Variants in BCKDHB observed in about 807,000 individuals in gnomAD.
The protein encoded by BCKDHB is branched chain keto acid dehydrogenase E1 subunit beta, also known as 2-oxoisovalerate dehydrogenase subunit beta, mitochondrial.
In BCKDHB, 41 loss-of-function variants were observed where a neutral mutation model predicts 48.5. The ratio of observed to expected loss-of-function variants is 0.85; its 90% CI spans 0.66 to 1.10. BCKDHB has a LOEUF of 1.10. Among genes scored for constraint, BCKDHB ranks in the 50% least tolerant of loss-of-function variants. The pLI, the probability that BCKDHB is intolerant of heterozygous loss-of-function variation, is 0.00. For missense variants in BCKDHB, 496 were observed against 494.2 expected (o/e 1.00, Z -0.03); for synonymous variants, 201 against 174.8 (o/e 1.15, Z -1.18).
chr6:80,441,072 A>G, the BCKDHB span: 1 of 148,394 alleles, frequency 6.7e-6, no homozygotes, highest in African/African-American at 2.4e-5. Context: ...CTCTGAAACT[A>G]AAGGTCATTC....
intron 9 of BCKDHB, among the ~76,000 whole-genome samples, chr6:80,337,010 A>G (rs1769625632): frequency 6.6e-6 from 1 of 152,138 alleles, no homozygotes; most frequent in Non-Finnish European, 1.5e-5. Flanking sequence ...CTTAAATGAA[A>G]AATAATATTT....
At chr6:80,199,437 G>A (rs1774278975) in intron 6 of BCKDHB, among the ~76,000 whole-genome samples, 1 of 152,022 alleles carries the variant, frequency 6.6e-6, no homozygotes, top group African/African-American at 2.4e-5. Flanking sequence ...GAACAAAAGG[G>A]AACAACAGTT....
At chr6:80,139,660 T>A (rs1771083424) in intron 3 of BCKDHB, among the ~76,000 whole-genome samples, 1 of 152,116 alleles carries the variant, frequency 6.6e-6, no homozygotes, top group African/African-American at 2.4e-5. Context: ...TCCATTGATC[T>A]ATGTCTCTGT....
intron 3 of BCKDHB, among the ~76,000 whole-genome samples, chr6:80,165,201 A>G (rs1455635852): frequency 6.6e-6 from 1 of 152,188 alleles, no homozygotes; most frequent in Admixed American, 6.5e-5. Flanking sequence ...TGTGAATTCC[A>G]TGGGAGACAG....
rs1774369632 is a variant in BCKDHB, at chr6:80,201,021, G to A, written c.830G>A (p.Trp277Ter). The A allele has an allele frequency of 6.2e-7, 1 of 1,607,910 alleles. No homozygotes were observed. Among genetic ancestry groups the A allele is most frequent in the Non-Finnish European group, 8.5e-7 (1 of 1,174,662 alleles). ...QEGSDVTLVA[W>*]GTQVHVIREV... Reference sequence around the variant, plus strand: ...GGGAGTGATGTTACTCTAGTTGCCTGGGGCACTCAGGTGAGTAGCATTGAT... The same window carrying A: ...GGGAGTGATGTTACTCTAGTTGCCTAGGGCACTCAGGTGAGTAGCATTGAT... Residue 277 changes from tryptophan to a stop codon, truncating the protein, a stop_gained, in exon 7 of 10, where the codon TGG (tryptophan) becomes TAG (stop). Transcript: ENST00000320393. LOFTEE classifies it high-confidence loss of function.
At chr6:80,153,304 G>A (rs540092224) in intron 3 of BCKDHB, among the ~76,000 whole-genome samples, 1 of 152,178 alleles carries the variant, frequency 6.6e-6, no homozygotes, top group South Asian at 2.1e-4. Context: ...GTTTTGAATT[G>A]CCTGTCACAG....
the BCKDHB span, among the ~76,000 whole-genome samples, chr6:80,358,509 A>C: frequency 6.6e-6 from 1 of 152,222 alleles, no homozygotes; most frequent in Non-Finnish European, 1.5e-5. Flanking sequence ...TCTGGATTGT[A>C]GTGTATTCAC....
At chr6:80,231,211 A>G (rs552974490) in intron 8 of BCKDHB, among the ~76,000 whole-genome samples, 2 of 152,344 alleles carry the variant, frequency 1.3e-5, no homozygotes, top group South Asian at 2.1e-4. Flanking sequence ...TTAATGTATG[A>G]TGCTTTAAAT....
At chr6:80,343,204 T>C (rs555278967) in intron 9 of BCKDHB, among the ~76,000 whole-genome samples, 2 of 152,348 alleles carry the variant, frequency 1.3e-5, no homozygotes, top group South Asian at 2.1e-4. Context: ...AAGTAACTGA[T>C]AGAAGTTCAG....
At chr6:80,170,919 A>G (rs1006999350) in intron 5 of BCKDHB, among the ~76,000 whole-genome samples, 1 of 152,166 alleles carries the variant, frequency 6.6e-6, no homozygotes, top group African/African-American at 2.4e-5. Flanking sequence ...ACAGATTATT[A>G]GTAGAAGAGA....
rs909333547 is a variant in BCKDHB, at chr6:80,343,859, G to A, written c.*55G>A. The A allele has an allele frequency of 1.1e-5, 18 of 1,593,280 alleles. No individual in the cohort carries two copies. The highest frequency in any genetic ancestry group is 4.5e-5 in the East Asian group (2 of 44,714). On this transcript the variant is annotated 3_prime_UTR_variant, in exon 10 of 10. Transcript: ENST00000320393. ...GCTACTATGTGCCCCTGACATTAAC[G>A]TACTGTTAACCAAGACACAGCAATC...
intron 1 of BCKDHB, among the ~76,000 whole-genome samples, chr6:80,112,901 T>C (rs997015389): frequency 1.3e-5 from 2 of 152,250 alleles, no homozygotes; most frequent in African/African-American, 4.8e-5. Flanking sequence ...AAGCCTCAAC[T>C]TCTAGCATAC....
chr6:80,338,477 G>A (rs1000325140), intron 9 of BCKDHB, among the ~76,000 whole-genome samples: 1 of 152,162 alleles, frequency 6.6e-6, no homozygotes, highest in African/African-American at 2.4e-5. Flanking sequence ...AGAGGCCTGA[G>A]TGCATTTAAG....
At chr6:80,139,135 C>T (rs1193883385) in intron 3 of BCKDHB, among the ~76,000 whole-genome samples, 1 of 152,158 alleles carries the variant, frequency 6.6e-6, no homozygotes, top group African/African-American at 2.4e-5. Context: ...CCTTCGCCCA[C>T]TTTTTGATGG....
chr6:80,232,749 GAT>G (rs1319902909), intron 8 of BCKDHB, among the ~76,000 whole-genome samples: 1 of 114,796 alleles, frequency 8.7e-6, no homozygotes, highest in African/African-American at 3.1e-5. Context: ...ATAGAGATAT[GAT>G]ATATGTTATA....
At chr6:80,194,637 T>A (rs1774052906) in intron 6 of BCKDHB, among the ~76,000 whole-genome samples, 1 of 152,184 alleles carries the variant, frequency 6.6e-6, no homozygotes, top group Non-Finnish European at 1.5e-5. Context: ...AAACTCAAGT[T>A]ATGTCTTTTT....
intron 9 of BCKDHB, among the ~76,000 whole-genome samples, chr6:80,292,123 C>G (rs570790061): frequency 6.6e-6 from 1 of 152,156 alleles, no homozygotes; most frequent in South Asian, 2.1e-4. Flanking sequence ...AGGTCAGGAA[C>G]CCTGTACAGG....
chr6:80,115,632 C>A (rs1424253055), intron 1 of BCKDHB, among the ~76,000 whole-genome samples: 2 of 150,760 alleles, frequency 1.3e-5, no homozygotes, highest in African/African-American at 4.9e-5. Flanking sequence ...GCGATAAATG[C>A]TGGGGTTTCT....
chr6:80,434,240 T>A, the BCKDHB span, among the ~76,000 whole-genome samples: 1 of 151,982 alleles, frequency 6.6e-6, no homozygotes, highest in Non-Finnish European at 1.5e-5. Context: ...CATTTTGATT[T>A]TTTATATCTT....
Sources: gnomAD v4.1 joint callset for allele counts (sites outside exome capture counted in the v4.1 genomes callset) on GRCh38, gnomAD v4.1.1 for gene constraint, MANE v1.5 for transcripts, NCBI Gene and HGNC (gene_info 2026-07-23, HGNC 2026-07-21) for gene names.